Variants in TNK2 observed in about 807,000 individuals in gnomAD.
The protein encoded by TNK2 is tyrosine kinase non receptor 2.
Under a neutral mutation model 101.8 loss-of-function variants are expected in TNK2, and 83 were observed. The ratio of observed to expected loss-of-function variants is 0.82; its 90% CI spans 0.68 to 0.98. The LOEUF (loss-of-function observed/expected upper bound fraction) is 0.98. TNK2 is among the 50% of genes least tolerant of loss of function. The pLI is 0.00. For missense variants in TNK2, 1,665 were observed against 1,483.2 expected (o/e 1.12, Z -2.01); for synonymous variants, 804 against 633.0 (o/e 1.27, Z -4.06).
chr3:195,878,948 G>A lies in TNK2; in HGVS notation c.1014+101C>T. On this transcript the variant is annotated intron_variant, in intron 7 of 15. Transcript: ENST00000672887. The surrounding 1 kb of genome is among the most constrained non-coding windows in gnomAD (Gnocchi z 4.7). ...GGGGGAGGCACGGGGCGTGGGAGGAGGGAGTCCATTGGTGAGAGGCAGTTC... is the reference window on the plus strand; with the variant it reads ...GGGGGAGGCACGGGGCGTGGGAGGAAGGAGTCCATTGGTGAGAGGCAGTTC... The A allele has an allele frequency of 1.3e-6, 2 of 1,539,828 alleles. No individual in the cohort carries two copies. The highest frequency in any genetic ancestry group is 1.7e-5 in the Admixed American group (1 of 57,362).
At chr3:195,903,509 G>A (rs542179811) in intron 1 of TNK2, among the ~76,000 whole-genome samples, 1 of 152,238 alleles carries the variant, frequency 6.6e-6, no homozygotes, top group South Asian at 2.1e-4. Context: ...CTGAGGTCAG[G>A]AGTTTGAGAC....
intron 10 of TNK2, chr3:195,870,527 A>G (rs1261521549): frequency 1.4e-5 from 9 of 641,278 alleles, no homozygotes; most frequent in South Asian, 1.1e-4. Context: ...GAGGGCAGAC[A>G]CTCCTGTCCC....
rs543833424 is a variant in TNK2 at position 195,889,718 on chromosome 3, G to A, written c.-18-1112C>T. ...TGACCTCTGACCTACACTATCCTGG[G>A]CCCAGATAAAGAAGCTGGTGGCACC... is the stretch of plus-strand genomic sequence containing the variant. On this transcript the variant is annotated intron_variant, in intron 1 of 15. Transcript: ENST00000672887. Among the ~76,000 whole-genome samples, 23 of 152,308 alleles carry A rather than the reference G, an allele frequency of 1.5e-4. No homozygotes were observed. In the South Asian group the frequency reaches 4.1e-3, roughly 27 times the overall value.
At chr3:195,896,021 C>CCGCACG in intron 1 of TNK2, 1 of 412,752 alleles carries the variant, frequency 2.4e-6, no homozygotes, top group South Asian at 1.6e-5. Flanking sequence ...TCCCGCAACG[C>CCGCACG]CGCACGCGCT....
intron 9 of TNK2, among the ~76,000 whole-genome samples, chr3:195,876,030 G>T (rs1476522130): frequency 6.6e-6 from 1 of 152,188 alleles, no homozygotes; most frequent in Non-Finnish European, 1.5e-5. Flanking sequence ...GGCCTGGAGG[G>T]ATAACCCGGA....
At chr3:195,892,919 G>A (rs1056000614) in intron 1 of TNK2, 4 of 234,702 alleles carry the variant, frequency 1.7e-5, no homozygotes, top group Non-Finnish European at 2.1e-5. Flanking sequence ...GGAATGGGGG[G>A]GACTCTTCCT....
In TNK2 at chr3:195,889,113, C is replaced by T. The variant is rs137926717; in HGVS notation, c.-18-507G>A. Among the ~76,000 whole-genome samples, 593 of 151,976 alleles carry T rather than the reference C, an allele frequency of 3.9e-3. 5 individuals are homozygous for T. The highest frequency in any genetic ancestry group is 6.7e-3 in the Admixed American group (102 of 15,260). ...GAGCTCTAAGCTAAGTTCCTCCCAG[C>T]GCCTGACCACCCCAGCCTCTCCTAA... On this transcript the variant is annotated intron_variant, in intron 1 of 15. Transcript: ENST00000672887.
intron 1 of TNK2, among the ~76,000 whole-genome samples, chr3:195,897,052 G>A (rs1314218111): frequency 2.0e-5 from 3 of 152,074 alleles, no homozygotes; most frequent in Admixed American, 2.0e-4. Flanking sequence ...TCCAAGCCCT[G>A]AAGGAAAAAA....
rs754142496 is a variant in TNK2, at chr3:195,879,124, G to A, written c.939C>T (p.Thr313=). ...KTRTFSHASD[T]WMFGVTLWEM... is the part of the protein sequence containing the mutation. ...CCCACAGTGTCACCCCGAACATCCAGGTGTCGCTGGCATGGGAGAAGGTGC... is the reference window on the plus strand; with the variant it reads ...CCCACAGTGTCACCCCGAACATCCAAGTGTCGCTGGCATGGGAGAAGGTGC... Residue 313 remains threonine, a synonymous_variant, in exon 7 of 16, where the codon ACC becomes ACT. Transcript: ENST00000672887. 7 of 1,613,930 alleles carry A rather than the reference G, an allele frequency of 4.3e-6. 1 individual carries two copies. In the South Asian group the frequency reaches 6.6e-5, roughly 15 times the overall value.
chr3:195,876,377 G>C (rs1749267136), intron 9 of TNK2: 1 of 454,880 alleles, frequency 2.2e-6, no homozygotes, highest in Non-Finnish European at 4.4e-6. Flanking sequence ...ACGGCGAAGA[G>C]AAGGCCAGGC....
rs1252858450 is a variant in TNK2, at chr3:195,885,263, A to G, written c.235-230T>C. 4 of 1,149,870 alleles carry G rather than the reference A, an allele frequency of 3.5e-6. No homozygotes were observed. In the African/African-American group the frequency reaches 6.2e-5, roughly 18 times the overall value. 71.2% of individuals were successfully genotyped at this position (1,149,870 alleles called of 1,614,324 possible). A position where few individuals can be genotyped will look rare whatever the true frequency, so the allele number is the denominator to read the frequency against. On this transcript the variant is annotated intron_variant, in intron 3 of 15. Transcript: ENST00000672887. This position sits in a 1 kb window ranked among gnomAD's most constrained non-coding sequence, Gnocchi z 4.7. ...TGGCCTCAAGGAGGGTGCCAGAAAGAGACCGACAGGCATGCAGCCTGTGGC... is the reference window on the plus strand; with the variant it reads ...TGGCCTCAAGGAGGGTGCCAGAAAGGGACCGACAGGCATGCAGCCTGTGGC...
intron 1 of TNK2, among the ~76,000 whole-genome samples, chr3:195,891,033 A>G (rs2149723516): frequency 6.6e-6 from 1 of 152,312 alleles, no homozygotes; most frequent in East Asian, 1.9e-4. Flanking sequence ...TAGAGTTCCC[A>G]CTGTGTTGCT....
intron 9 of TNK2, among the ~76,000 whole-genome samples, chr3:195,875,431 G>A (rs1320456271): frequency 7.0e-6 from 1 of 143,768 alleles, no homozygotes; most frequent in South Asian, 2.2e-4. Flanking sequence ...GCTCCCCCTC[G>A]GGATGGCGCC....
Position 195,872,451 on chromosome 3 carries a change from G to T in TNK2, c.1276C>A (p.Arg426Ser), listed in dbSNP as rs1202967022. The change falls in exon 10 of 16, where the codon CGT becomes AGT. Residue 426 changes from arginine to serine, a missense_variant. Around this residue, in one of 3 missense-constraint regions of TNK2, gnomAD observed 39 missense variants for 65.8 expected, o/e 0.59. Transcript: ENST00000672887. Reference protein sequence around the residue: ...IEGRAENYWWRGQNTRTLCVG... With the variant: ...IEGRAENYWWSGQNTRTLCVG... ...CACAGCGTCCGTGTGTTCTGGCCACGCCACCAGTAGTTCTCGGCCCTGCGC... is the reference window on the plus strand; with the variant it reads ...CACAGCGTCCGTGTGTTCTGGCCACTCCACCAGTAGTTCTCGGCCCTGCGC... The T allele has an allele frequency of 6.2e-7, 1 of 1,601,428 alleles. No individual in the cohort carries two copies. Among genetic ancestry groups the T allele is most frequent in the Non-Finnish European group, 8.5e-7 (1 of 1,172,720 alleles).
chr3:195,901,155 T>G (rs760281257), intron 1 of TNK2, among the ~76,000 whole-genome samples: 2 of 152,082 alleles, frequency 1.3e-5, no homozygotes, highest in Non-Finnish European at 2.9e-5. Flanking sequence ...ACATACACCT[T>G]AAATCCCACT....
rs1180666694 is a variant in TNK2, at chr3:195,863,369, T to C, written c.*812A>G. 6.6e-6 allele frequency: 1 copy of C among 152,538 alleles called. No homozygotes were observed. Among genetic ancestry groups the C allele is most frequent in the African/African-American group, 2.4e-5 (1 of 41,446 alleles). 9.4% of individuals were successfully genotyped at this position (152,538 alleles called of 1,614,324 possible). A position where few individuals can be genotyped will look rare whatever the true frequency, so the allele number is the denominator to read the frequency against. ...AACAGGCAGGCACAAGTAAGTAACA[T>C]AAAATAGAAACTAACTTTATTTCTC... On this transcript the variant is annotated 3_prime_UTR_variant, in exon 16 of 16. Coordinates refer to ENST00000672887, the MANE Select transcript of TNK2 (RefSeq NM_001382273.1).
In TNK2 at chr3:195,885,076, A is replaced by C; in HGVS notation, c.235-43T>G. On this transcript the variant is annotated intron_variant, in intron 3 of 15. Transcript: ENST00000672887. The surrounding 1 kb of genome is among the most constrained non-coding windows in gnomAD (Gnocchi z 4.7). ...GGGGCCAGATGGAATCCAACACCCCAGGGTCAGTCACTCAGTCCCACCCCG... is the reference window on the plus strand; with the variant it reads ...GGGGCCAGATGGAATCCAACACCCCCGGGTCAGTCACTCAGTCCCACCCCG... 6.5e-7 allele frequency: 1 copy of C among 1,530,120 alleles called. No individual in the cohort carries two copies. Among genetic ancestry groups the C allele is most frequent in the Non-Finnish European group, 8.8e-7 (1 of 1,131,684 alleles). The allele number at this position is 1,530,120 out of a possible 1,614,324, so 94.8% of individuals were successfully genotyped here. A position where few individuals can be genotyped will look rare whatever the true frequency, so the allele number is the denominator to read the frequency against.
At chr3:195,895,700 G>A (rs886557196) in intron 1 of TNK2, 1 of 798,426 alleles carries the variant, frequency 1.3e-6, no homozygotes, top group East Asian at 3.5e-5. Context: ...GGGCCCCAGA[G>A]CCACCAACTG....
intron 6 of TNK2, among the ~76,000 whole-genome samples, chr3:195,881,688 A>AC (rs1205257902): frequency 1.3e-4 from 9 of 71,418 alleles, no homozygotes; most frequent in East Asian, 5.2e-4. Flanking sequence ...TCCCTATAAC[A>AC]CCCCCCCGCC....
Sources: gnomAD v4.1 joint callset for allele counts (sites outside exome capture counted in the v4.1 genomes callset) on GRCh38, gnomAD v4.1.1 for gene constraint, gnomAD v4.1.1 regional missense constraint, Gnocchi (gnomAD v3.1) non-coding constraint, MANE v1.5 for transcripts, NCBI Gene and HGNC (gene_info 2026-07-23, HGNC 2026-07-21) for gene names.